The following ATP10A variants were observed in gnomAD, a reference collection of about 807,000 sequenced individuals.
ATP10A encodes the protein ATPase phospholipid transporting 10A (putative), also known as phospholipid-transporting ATPase VA.
Under a neutral mutation model 147.8 loss-of-function variants are expected in ATP10A, and 111 were observed. That is an observed-to-expected ratio of 0.75 (90% CI 0.64 to 0.88). The LOEUF (loss-of-function observed/expected upper bound fraction) is 0.88, where lower values mean the gene tolerates loss of function less well. Among genes scored for constraint, ATP10A ranks in the 40% least tolerant of loss-of-function variants. The pLI, the probability that ATP10A is intolerant of heterozygous loss-of-function variation, is 0.00. For missense variants in ATP10A, 1,927 were observed against 1,959.0 expected (o/e 0.98, Z 0.31); for synonymous variants, 875 against 841.6 (o/e 1.04, Z -0.69).
At position 25,706,110 on chromosome 15, in the gene ATP10A, A is replaced by G. The variant is rs1900993751; in HGVS notation, c.2575+1866T>C. ...TAGATCTTCACACAGTTGCCCAAGT[A>G]AAAATTATAGAATCCAAGCAAGGAA... is the stretch of plus-strand genomic sequence containing the variant. On this transcript the variant is annotated intron_variant, in intron 12 of 20. Transcript: ENST00000555815. Among the ~76,000 whole-genome samples, 3 of 152,208 alleles carry G rather than the reference A, an allele frequency of 2.0e-5. No homozygotes were observed. In the South Asian group the frequency reaches 6.2e-4, roughly 32 times the overall value.
At chr15:25,710,293 CTGGGCAGGGACAG>C (rs937244121) in intron 10 of ATP10A, 2 of 152,290 alleles carry the variant, frequency 1.3e-5, no homozygotes, top group Non-Finnish European at 2.9e-5. Flanking sequence ...GCGCCCCCTG[CTGGGCAGGGACAG>C]TCGAGAGCTC....
intron 4 of ATP10A, 133 bp from the exon 5 acceptor site, chr15:25,726,215 G>A: frequency 1.0e-6 from 1 of 977,046 alleles, no homozygotes; most frequent in South Asian, 2.0e-5. Flanking sequence ...AAAAAGCAGG[G>A]TTTAAAATTA....
At chr15:25,695,939 A>G (rs1259377567) in intron 13 of ATP10A, among the ~76,000 whole-genome samples, 1 of 152,166 alleles carries the variant, frequency 6.6e-6, no homozygotes, top group South Asian at 2.1e-4. Context: ...AAAGAAAAAA[A>G]AAAAAGCACA....
intron 10 of ATP10A, among the ~76,000 whole-genome samples, chr15:25,711,511 G>A (rs982259062): frequency 6.6e-6 from 1 of 152,112 alleles, no homozygotes; most frequent in African/African-American, 2.4e-5. Context: ...TTGGGAAACT[G>A]CTGGGGTCTC....
At chr15:25,763,500 A>G (rs959311009) in intron 2 of ATP10A, among the ~76,000 whole-genome samples, 2 of 152,230 alleles carry the variant, frequency 1.3e-5, no homozygotes, top group South Asian at 2.1e-4. Context: ...TTCCACGCAC[A>G]TGAGTGTTAA....
intron 1 of ATP10A, among the ~76,000 whole-genome samples, chr15:25,790,334 G>A (rs1459242519): frequency 3.9e-5 from 6 of 152,138 alleles, no homozygotes; most frequent in Admixed American, 6.5e-5. Context: ...ATGTCTCCTC[G>A]AGGTGATGTG....
intron 3 of ATP10A, among the ~76,000 whole-genome samples, chr15:25,731,736 C>T (rs550024773): frequency 8.5e-5 from 13 of 152,318 alleles, no homozygotes; most frequent in Admixed American, 3.3e-4. Context: ...TATGAGGATC[C>T]TTCCAAAGAA....
At chr15:25,711,021 C>CTCAG (rs919934778) in intron 10 of ATP10A, among the ~76,000 whole-genome samples, 4 of 87,334 alleles carry the variant, frequency 4.6e-5, no homozygotes, top group Admixed American at 1.3e-4. Context: ...GAAACTGAGG[C>CTCAG]ACAGAGTGAG....
At chr15:25,781,525 C>G (rs912701917) in intron 1 of ATP10A, among the ~76,000 whole-genome samples, 3 of 151,860 alleles carry the variant, frequency 2.0e-5, no homozygotes, top group African/African-American at 4.8e-5. Context: ...TGCGGTGGTG[C>G]GTGCCTGTAG....
At chr15:25,791,132 G>A (rs1890405027) in intron 1 of ATP10A, among the ~76,000 whole-genome samples, 1 of 149,242 alleles carries the variant, frequency 6.7e-6, no homozygotes, top group African/African-American at 2.5e-5. Flanking sequence ...CCAGGCTGGA[G>A]TGCAGTGGCA....
downstream of ATP10A, among the ~76,000 whole-genome samples, chr15:25,672,716 T>C (rs1425071879): frequency 6.6e-6 from 1 of 152,136 alleles, no homozygotes; most frequent in East Asian, 1.9e-4. Flanking sequence ...CTCACTGTGG[T>C]TTTGTCTTTC....
intron 2 of ATP10A, among the ~76,000 whole-genome samples, chr15:25,765,365 T>A (rs8037072): frequency 6.6e-6 from 1 of 152,192 alleles, no homozygotes. Flanking sequence ...CCTGCTCCTG[T>A]CTTTGATATC....
chr15:25,680,882 G>T lies in ATP10A; in HGVS notation c.3606C>A (p.Thr1202=). ...CGATTGTCACAATAGGGGTCCCCCA[G>T]GTAAACAGGTCCACGTTCGAGTCAT... is the stretch of plus-strand genomic sequence containing the variant. ...AYYDSNVDLF[T]WGTPIVTIAL... is the part of the protein sequence containing the mutation. The change falls in exon 19 of 21, where the codon ACC becomes ACA. Residue 1202 remains threonine, a synonymous_variant. Transcript: ENST00000555815. 6.2e-7 allele frequency: 1 copy of T among 1,614,132 alleles called. No individual in the cohort carries two copies. The highest frequency in any genetic ancestry group is 1.3e-5 in the African/African-American group (1 of 75,016).
Position 25,718,353 on chromosome 15 carries a change from C to T in ATP10A, c.1410G>A (p.Glu470=), listed in dbSNP as rs2140410874. ...ACACCGAGCCCCCTCTGGGCACCAC[C>T]TCCTCCTCCTCCGAGTCTGCCTCTT... ...RYQEADSEEE[E]VVPRGGSVSQ... The change falls in exon 8 of 21, where the codon GAG becomes GAA. Residue 470 remains glutamate, a synonymous_variant. Transcript: ENST00000555815. 1 of 1,607,912 alleles carries T rather than the reference C, an allele frequency of 6.2e-7. No individual in the cohort carries two copies. Among genetic ancestry groups the T allele is most frequent in the Non-Finnish European group, 8.5e-7 (1 of 1,178,820 alleles).
intron 2 of ATP10A, among the ~76,000 whole-genome samples, chr15:25,742,642 T>C (rs1301141954): frequency 6.6e-6 from 1 of 152,206 alleles, no homozygotes; most frequent in Non-Finnish European, 1.5e-5. Context: ...CGCTCCATGC[T>C]GTTTCAGTGG....
intron 17 of ATP10A, among the ~76,000 whole-genome samples, chr15:25,682,057 A>G (rs1353064524): frequency 5.4e-5 from 1 of 18,360 alleles, no homozygotes; most frequent in Non-Finnish European, 9.2e-5. Flanking sequence ...TTGTCTTAAA[A>G]AAAAAAAAAA....
At chr15:25,706,727 C>T (rs1042534109) in intron 12 of ATP10A, among the ~76,000 whole-genome samples, 6 of 152,186 alleles carry the variant, frequency 3.9e-5, no homozygotes, top group African/African-American at 7.2e-5. Context: ...GAAATGGCAC[C>T]GGAGGGCCAA....
intron 1 of ATP10A, among the ~76,000 whole-genome samples, chr15:25,811,820 G>C (rs906463427): frequency 3.3e-5 from 5 of 152,174 alleles, no homozygotes; most frequent in Admixed American, 2.6e-4. Flanking sequence ...ATGTGGGCTT[G>C]TCCTCCCATC....
At chr15:25,715,570 G>C (rs1455972893) in intron 9 of ATP10A, among the ~76,000 whole-genome samples, 1 of 152,242 alleles carries the variant, frequency 6.6e-6, no homozygotes. Flanking sequence ...TTAATGCTGG[G>C]GGCAGAGCCC....
Sources: allele counts gnomAD v4.1 joint callset (sites outside exome capture counted in the v4.1 genomes callset), GRCh38; gene constraint gnomAD v4.1.1; transcripts MANE v1.5; gene names NCBI Gene and HGNC (gene_info 2026-07-23, HGNC 2026-07-21).